Variants in CNTNAP5 observed in about 807,000 individuals in gnomAD.
CNTNAP5 encodes contactin-associated protein-like 5.
A neutral mutation model predicts 150.2 loss-of-function variants in CNTNAP5; 72 were observed. The ratio of observed to expected loss-of-function variants is 0.48; its 90% confidence interval spans 0.40 to 0.58. CNTNAP5 has a LOEUF of 0.58. Among genes scored for constraint, CNTNAP5 ranks in the 20% least tolerant of loss-of-function variants. The probability of loss-of-function intolerance (pLI) is 0.00; values close to 1 mark genes in which losing one functional copy is unlikely to be tolerated. For missense variants in CNTNAP5, 1,636 were observed against 1,626.2 expected (o/e 1.01, Z -0.10); for synonymous variants, 672 against 619.8 (o/e 1.08, Z -1.25).
chr2:124,080,501 T>A (rs979920458), intron 1 of CNTNAP5, among the ~76,000 whole-genome samples: 5 of 152,170 alleles, frequency 3.3e-5, no homozygotes, highest in African/African-American at 1.2e-4. Context: ...GCTGCATGAA[T>A]GTGGGTGTGT....
intron 3 of CNTNAP5, among the ~76,000 whole-genome samples, chr2:124,402,145 A>G (rs565502863): frequency 6.6e-6 from 1 of 152,276 alleles, no homozygotes; most frequent in South Asian, 2.1e-4. Context: ...GGATCCCTTC[A>G]TATTTCATTT....
chr2:124,086,584 G>C (rs1236598804), intron 1 of CNTNAP5, among the ~76,000 whole-genome samples: 1 of 151,012 alleles, frequency 6.6e-6, no homozygotes, highest in Non-Finnish European at 1.5e-5. Context: ...CTCTGGTTCT[G>C]GTAATTTTTT....
At chr2:124,633,820 C>T (rs1177718074) in intron 12 of CNTNAP5, among the ~76,000 whole-genome samples, 1 of 152,192 alleles carries the variant, frequency 6.6e-6, no homozygotes, top group East Asian at 1.9e-4. Context: ...TGTGAACCCT[C>T]AGACTTAACA....
chr2:124,608,362 C>G (rs1427614256), intron 11 of CNTNAP5, among the ~76,000 whole-genome samples: 1 of 152,110 alleles, frequency 6.6e-6, no homozygotes, highest in African/African-American at 2.4e-5. Context: ...TCATGTTAGC[C>G]TAATAAAATT....
intron 3 of CNTNAP5, among the ~76,000 whole-genome samples, chr2:124,288,656 C>T (rs954627247): frequency 6.6e-6 from 1 of 152,064 alleles, no homozygotes; most frequent in Non-Finnish European, 1.5e-5. Context: ...TTAAATTAAA[C>T]CCTTGAAACC....
chr2:124,065,321 A>T (rs1203642192), intron 1 of CNTNAP5, among the ~76,000 whole-genome samples: 1 of 152,176 alleles, frequency 6.6e-6, no homozygotes, highest in Non-Finnish European at 1.5e-5. Flanking sequence ...AAAAATATAT[A>T]CACATAACAC....
chr2:124,280,167 TAC>T (rs1180364562), intron 3 of CNTNAP5, among the ~76,000 whole-genome samples: 2 of 151,560 alleles, frequency 1.3e-5, no homozygotes, highest in African/African-American at 4.8e-5. Context: ...TACATATATA[TAC>T]GTATATATAT....
chr2:124,828,841 T>C (rs1317725361), intron 19 of CNTNAP5, among the ~76,000 whole-genome samples: 1 of 144,050 alleles, frequency 6.9e-6, no homozygotes, highest in Non-Finnish European at 1.5e-5. Flanking sequence ...ATGAGGACTA[T>C]AGCCCCAGAG....
At chr2:124,385,095 C>T (rs1374210187) in intron 3 of CNTNAP5, among the ~76,000 whole-genome samples, 1 of 152,086 alleles carries the variant, frequency 6.6e-6, no homozygotes, top group Non-Finnish European at 1.5e-5. Flanking sequence ...CTCTACCATA[C>T]CTCAGTTTTT....
chr2:124,743,208 T>G (rs1236171525), intron 13 of CNTNAP5, among the ~76,000 whole-genome samples: 1 of 152,190 alleles, frequency 6.6e-6, no homozygotes, highest in African/African-American at 2.4e-5. Flanking sequence ...AGGTTTATAT[T>G]TGGTTTAATA....
intron 12 of CNTNAP5, among the ~76,000 whole-genome samples, chr2:124,622,025 G>C (rs191253406): frequency 6.6e-6 from 1 of 151,898 alleles, no homozygotes; most frequent in Non-Finnish European, 1.5e-5. Context: ...ATAGGTAAAC[G>C]TGTGCCGTGA....
At chr2:124,623,668 A>G (rs565475696) in intron 12 of CNTNAP5, among the ~76,000 whole-genome samples, 144 of 152,284 alleles carry the variant, frequency 9.5e-4, no homozygotes, top group Non-Finnish European at 1.5e-3. Flanking sequence ...GAAAGCCTAG[A>G]TCCTTCTCCT....
chr2:124,556,562 G>A (rs11123052), intron 10 of CNTNAP5, among the ~76,000 whole-genome samples: 62,549 of 151,976 alleles, frequency 0.41, 13,181 homozygotes, highest in East Asian at 0.62. Flanking sequence ...ATTAACTGAA[G>A]GGGTCAAGAA....
rs184019644 is a variant in CNTNAP5, at chr2:124,545,196, G to A, written c.1649+17740G>A. ...GGTTTCTAATTTTTTTCTAAAATAA[G>A]AGAGTCTTCACTTTTAAAATCTCCA... is the stretch of plus-strand genomic sequence containing the variant. On this transcript the variant is annotated intron_variant, in intron 10 of 23. Coordinates refer to ENST00000682447, the MANE Select transcript of CNTNAP5 (RefSeq NM_001367498.1). 4.3e-3 allele frequency among the ~76,000 whole-genome samples: 656 copies of A among 152,086 alleles called. 4 individuals are homozygous for A. The highest frequency in any genetic ancestry group is 0.015 in the African/African-American group (621 of 41,504).
chr2:124,850,785 A>G (rs1683138422), intron 19 of CNTNAP5, among the ~76,000 whole-genome samples: 1 of 152,162 alleles, frequency 6.6e-6, no homozygotes, highest in Non-Finnish European at 1.5e-5. Flanking sequence ...TAGGAGAGAA[A>G]AATATTAGGA....
Position 124,165,471 on chromosome 2 carries a change from T to C in CNTNAP5, c.83-56234T>C, listed in dbSNP as rs115691382. On this transcript the variant is annotated intron_variant, in intron 1 of 23. Transcript: ENST00000682447. ...TCTCCTTCTGTGAAATGGAAACGTC[T>C]GATATGTTTGTGAAGATCAAATAAG... is the stretch of plus-strand genomic sequence containing the variant. 6.9e-3 allele frequency among the ~76,000 whole-genome samples: 1,044 copies of C among 152,306 alleles called. 4 individuals are homozygous for C. The highest frequency in any genetic ancestry group is 0.011 in the Non-Finnish European group (732 of 68,028).
chr2:124,896,042 G>A (rs530850617), intron 21 of CNTNAP5, among the ~76,000 whole-genome samples: 3 of 151,604 alleles, frequency 2.0e-5, no homozygotes, highest in East Asian at 1.9e-4. Flanking sequence ...TTGCCATTCC[G>A]GTTCCATATC....
intron 8 of CNTNAP5, among the ~76,000 whole-genome samples, chr2:124,512,798 G>A (rs1221865976): frequency 6.6e-6 from 1 of 152,116 alleles, no homozygotes; most frequent in Admixed American, 6.5e-5. Flanking sequence ...GTAGACTTCT[G>A]TGACTGGCTT....
chr2:124,603,330 G>A (rs1225386182), intron 11 of CNTNAP5, among the ~76,000 whole-genome samples: 1 of 152,060 alleles, frequency 6.6e-6, no homozygotes, highest in Non-Finnish European at 1.5e-5. Context: ...AATTTTTGTG[G>A]CAAGAATGTG....
Sources: allele counts gnomAD v4.1 joint callset (sites outside exome capture counted in the v4.1 genomes callset), GRCh38; gene constraint gnomAD v4.1.1; transcripts MANE v1.5; gene names NCBI Gene and HGNC (gene_info 2026-07-23, HGNC 2026-07-21).